The following DGKI variants were observed in gnomAD, a reference collection of about 807,000 sequenced individuals.
DGKI encodes DAG kinase iota.
Under a neutral mutation model 147.5 loss-of-function variants are expected in DGKI, and 55 were observed. That is an observed-to-expected ratio of 0.37 (90% CI 0.30 to 0.47). The LOEUF (loss-of-function observed/expected upper bound fraction) is 0.47. Among genes scored for constraint, DGKI ranks in the 20% least tolerant of loss-of-function variants. The probability of loss-of-function intolerance (pLI) is 1.00; values close to 1 mark genes in which losing one functional copy is unlikely to be tolerated. For synonymous variants in DGKI, 469 were observed against 477.1 expected (o/e 0.98, Z 0.22); for missense variants, 1,007 against 1,323.8 (o/e 0.76, Z 3.71).
In DGKI at chr7:137,568,168, C is replaced by T. The variant is rs140645633; in HGVS notation, c.1947+3007G>A. On this transcript the variant is annotated intron_variant, in intron 19 of 32. Transcript: ENST00000614521. Reference sequence around the variant, plus strand: ...CACTCTATGATCTGGCCCTTACCCACATCTTTAGCACCACCTGTGATCACT... The same window carrying T: ...CACTCTATGATCTGGCCCTTACCCATATCTTTAGCACCACCTGTGATCACT... Among the ~76,000 whole-genome samples the T allele has an allele frequency of 6.5e-3, 989 of 152,292 alleles. 12 individuals carry two copies. Among genetic ancestry groups the T allele is most frequent in the African/African-American group, 0.023 (942 of 41,562 alleles).
At chr7:137,418,309 T>G (rs1259532405) in intron 28 of DGKI, among the ~76,000 whole-genome samples, 1 of 152,144 alleles carries the variant, frequency 6.6e-6, no homozygotes, top group Non-Finnish European at 1.5e-5. Context: ...AAGCTCAAGG[T>G]ACAGAGAACC....
chr7:137,668,277 T>C (rs553209730), intron 3 of DGKI, among the ~76,000 whole-genome samples: 60 of 152,362 alleles, frequency 3.9e-4, no homozygotes, highest in African/African-American at 1.4e-3. Context: ...AAGCAGTCTC[T>C]GTTCTCCACG....
chr7:137,631,523 T>C (rs781307944), intron 6 of DGKI, among the ~76,000 whole-genome samples: 1 of 152,026 alleles, frequency 6.6e-6, no homozygotes, highest in Non-Finnish European at 1.5e-5. Flanking sequence ...TCAAAAGAAC[T>C]AGCTGCAGGA....
intron 28 of DGKI, among the ~76,000 whole-genome samples, chr7:137,438,840 A>G (rs1399328392): frequency 6.6e-6 from 1 of 152,210 alleles, no homozygotes; most frequent in East Asian, 1.9e-4. Flanking sequence ...AAATAACAAC[A>G]TGATTCAATT....
intron 14 of DGKI, 70 bp from the exon 15 acceptor site, chr7:137,581,998 A>G: frequency 1.6e-6 from 2 of 1,265,298 alleles, no homozygotes; most frequent in Non-Finnish European, 2.3e-6. Flanking sequence ...TAAAACCTAA[A>G]GCTGGACCCC....
intron 8 of DGKI, among the ~76,000 whole-genome samples, chr7:137,613,721 A>C (rs1250530893): frequency 6.6e-6 from 1 of 152,212 alleles, no homozygotes; most frequent in African/African-American, 2.4e-5. Context: ...CAGATGGATC[A>C]ATAAACTAGG....
At chr7:137,736,772 A>C (rs995866656) in intron 1 of DGKI, among the ~76,000 whole-genome samples, 4 of 152,120 alleles carry the variant, frequency 2.6e-5, no homozygotes, top group Admixed American at 2.6e-4. Context: ...AATGAGTATG[A>C]AGAGAAAATA....
chr7:137,752,084 C>G (rs1795506183), intron 1 of DGKI, among the ~76,000 whole-genome samples: 1 of 152,152 alleles, frequency 6.6e-6, no homozygotes, highest in South Asian at 2.1e-4. Flanking sequence ...GTCCTTCAGA[C>G]TAAAAATTTG....
At chr7:137,418,554 A>G (rs148341165) in intron 28 of DGKI, among the ~76,000 whole-genome samples, 2,628 of 152,328 alleles carry the variant, frequency 0.017, 76 homozygotes, top group African/African-American at 0.06. Context: ...CAATAAAGCA[A>G]CTGAAATAAC....
At chr7:137,794,314 T>A (rs1796958714) in intron 1 of DGKI, among the ~76,000 whole-genome samples, 1 of 152,210 alleles carries the variant, frequency 6.6e-6, no homozygotes, top group Admixed American at 6.5e-5. Context: ...GAAGCTCAAC[T>A]ATTTATTCTT....
chr7:137,490,249 T>C (rs1366522743), intron 21 of DGKI, among the ~76,000 whole-genome samples: 1 of 152,220 alleles, frequency 6.6e-6, no homozygotes, highest in East Asian at 1.9e-4. Flanking sequence ...CAGTATTGCT[T>C]TGGTCTTGCA....
chr7:137,483,275 A>C (rs1054373289), intron 23 of DGKI, among the ~76,000 whole-genome samples: 1 of 152,092 alleles, frequency 6.6e-6, no homozygotes. Context: ...TAGTTTCATA[A>C]ACCTAGCTAG....
intron 8 of DGKI, among the ~76,000 whole-genome samples, chr7:137,618,151 A>ATATATATATATATTTTTTTTT: frequency 4.8e-4 from 5 of 10,444 alleles, no homozygotes; most frequent in African/African-American, 6.3e-4. Context: ...ATATATATAT[A>ATATATATATATATTTTTTTTT]TTTTTTTTTT....
intron 28 of DGKI, among the ~76,000 whole-genome samples, chr7:137,442,991 A>G (rs1813569952): frequency 6.6e-6 from 1 of 152,186 alleles, no homozygotes; most frequent in Admixed American, 6.5e-5. Context: ...TGGCAAAAGA[A>G]GTAGCATCCT....
chr7:137,623,431 T>C lies in DGKI; in HGVS notation c.876+52A>G, dbSNP rs368516535. 2.3e-5 allele frequency: 35 copies of C among 1,519,012 alleles called. 1 individual carries two copies. In the African/African-American group the frequency reaches 3.3e-4, roughly 14 times the overall value. 94.1% of individuals were successfully genotyped at this position (1,519,012 alleles called of 1,614,324 possible). ...GGAGAAACTCAAATAATGACACAAG[T>C]GTATTTCGACAAAACATGAGCCCAC... On this transcript the variant is annotated intron_variant, in intron 7 of 32. Transcript: ENST00000614521.
intron 28 of DGKI, among the ~76,000 whole-genome samples, chr7:137,414,299 G>A (rs1023486741): frequency 6.6e-6 from 1 of 152,126 alleles, no homozygotes; most frequent in Admixed American, 6.5e-5. Context: ...TTGAACATCA[G>A]AGGAAAAAGA....
intron 23 of DGKI, among the ~76,000 whole-genome samples, chr7:137,476,892 T>C (rs186743662): frequency 2.5e-4 from 38 of 152,322 alleles, no homozygotes; most frequent in Non-Finnish European, 4.3e-4. Flanking sequence ...TTTTACAGCT[T>C]CTAGAGGAAT....
chr7:137,465,296 A>G (rs1344456787), intron 26 of DGKI, among the ~76,000 whole-genome samples: 1 of 152,236 alleles, frequency 6.6e-6, no homozygotes, highest in South Asian at 2.1e-4. Context: ...TGTTTAATGC[A>G]TGTTTTAAAA....
intron 1 of DGKI, among the ~76,000 whole-genome samples, chr7:137,833,012 T>G (rs544294160): frequency 1.3e-5 from 2 of 152,334 alleles, no homozygotes; most frequent in East Asian, 3.9e-4. Context: ...TGTCTCCACC[T>G]CAGCCTGGAT....
Sources: allele counts gnomAD v4.1 joint callset (sites outside exome capture counted in the v4.1 genomes callset), GRCh38; gene constraint gnomAD v4.1.1; transcripts MANE v1.5; gene names NCBI Gene and HGNC (gene_info 2026-07-23, HGNC 2026-07-21).